Variants in MYL6B observed in about 807,000 individuals in gnomAD.
MYL6B encodes myosin alkali light chain 1 slow a.
Under a neutral mutation model 24.5 loss-of-function variants are expected in MYL6B, and 19 were observed. The observed-to-expected ratio is 0.78, with a 90% CI of 0.54 to 1.14. The LOEUF (loss-of-function observed/expected upper bound fraction) is 1.14. Among genes scored for constraint, MYL6B ranks in the 50% most tolerant of loss-of-function variants. The probability of loss-of-function intolerance (pLI) is 0.00; values close to 1 mark genes in which losing one functional copy is unlikely to be tolerated. For synonymous variants in MYL6B, 90 were observed against 100.7 expected (o/e 0.89, Z 0.64); for missense variants, 230 against 263.8 (o/e 0.87, Z 0.89).
intron 5 of MYL6B, 86 bp from the exon 6 acceptor site, chr12:56,157,382 T>TC (rs1871365074): frequency 7.6e-7 from 1 of 1,317,880 alleles, no homozygotes; most frequent in African/African-American, 1.5e-5. Flanking sequence ...GGAGCGAAAC[T>TC]CCGTCTCAAA....
intron 5 of MYL6B, among the ~76,000 whole-genome samples, chr12:56,156,540 G>A (rs1871314097): frequency 6.6e-6 from 1 of 151,720 alleles, no homozygotes; most frequent in Non-Finnish European, 1.5e-5. Flanking sequence ...GGGAGGTGGA[G>A]GTTGCGGTGA....
intron 2 of MYL6B, 40 bp from the exon 3 acceptor site, chr12:56,154,773 T>C (rs1283371661): frequency 6.2e-7 from 1 of 1,601,562 alleles, no homozygotes; most frequent in African/African-American, 1.3e-5. Context: ...AGGGATTGAA[T>C]AAACTCTCAT....
Position 56,157,622 on chromosome 12 carries a change from CCCCTGGAT to C in MYL6B, c.599-75_599-68del, listed in dbSNP as rs1476000579. The stretch of plus-strand genomic sequence containing the variant: ...GTCTTGCCGCGTGTGGGCGGGGGCA[CCCCTGGAT>C]TACCTAGAGTCAGATGTATTATCCA... On this transcript the variant is annotated intron_variant, in intron 6 of 6. Transcript: ENST00000553066. The C allele has an allele frequency of 1.6e-5, 26 of 1,612,956 alleles. No individual in the cohort carries two copies. The Admixed American group carries it at 3.5e-4, about 22-fold the overall frequency.
At chr12:56,157,641 C>A in intron 6 of MYL6B, 57 bp from the exon 7 acceptor site, 1 of 1,613,264 alleles carries the variant, frequency 6.2e-7, no homozygotes. Context: ...TACCTAGAGT[C>A]AGATGTATTA....
chr12:56,152,957 C>T (rs1871163942), intron 1 of MYL6B, among the ~76,000 whole-genome samples: 1 of 152,086 alleles, frequency 6.6e-6, no homozygotes, highest in African/African-American at 2.4e-5. Flanking sequence ...AGGTTTGTGA[C>T]CTGGCCCCTG....
intron 1 of MYL6B, chr12:56,153,501 C>G (rs865940252): frequency 2.5e-5 from 25 of 987,132 alleles, no homozygotes; most frequent in Middle Eastern, 5.2e-4. Context: ...ACAAGCCTCC[C>G]TGGCTGCTAC....
Position 56,155,401 on chromosome 12 carries a change from C to G in MYL6B, c.347-18C>G. ...TAATACTACAATGACCTCTCCTTTA[C>G]CTCTCTCCAACCTCCAGAGCTGAAG... On this transcript the variant is annotated intron_variant, in intron 4 of 6. Transcript: ENST00000553066. 1 of 1,614,126 alleles carries G rather than the reference C, an allele frequency of 6.2e-7. No homozygotes were observed. The highest frequency in any genetic ancestry group is 8.5e-7 in the Non-Finnish European group (1 of 1,180,026).
exon 2 of MYL6B, chr12:56,153,988 C>T (rs762788121): frequency 6.2e-7 from 1 of 1,614,002 alleles, no homozygotes; most frequent in East Asian, 2.2e-5. Flanking sequence ...TGCTGCTAAG[C>T]CAGCAGCAGC....
At chr12:56,153,574 C>A in intron 1 of MYL6B, 1 of 666,018 alleles carries the variant, frequency 1.5e-6, no homozygotes, top group Non-Finnish European at 1.9e-6. Context: ...TCACCACCCC[C>A]ATCTCAGTGC....
chr12:56,156,530 G>A (rs907689128), intron 5 of MYL6B, among the ~76,000 whole-genome samples: 1 of 151,816 alleles, frequency 6.6e-6, no homozygotes, highest in African/African-American at 2.4e-5. Flanking sequence ...GCTTTAACCC[G>A]GGAGGTGGAG....
rs199941211 is a variant in MYL6B, at chr12:56,153,943, G to A, written c.25G>A (p.Val9Met). The A allele has an allele frequency of 1.3e-5, 21 of 1,613,452 alleles. No homozygotes were observed. The highest frequency in any genetic ancestry group is 8.9e-5 in the East Asian group (4 of 44,870). ...CATGCCTCCCAAGAAGGATGTTCCC[G>A]TGAAGAAACCAGCAGGGCCCTCCAT... Residue 9 changes from valine (V) to methionine (M), a missense_variant, in exon 2 of 7, where the codon GTG (valine) becomes ATG (methionine). Val to Met is a conservative substitution (Grantham distance 21, BLOSUM62 1). Transcript: ENST00000553066.
intron 5 of MYL6B, chr12:56,157,203 T>G: frequency 2.4e-6 from 1 of 424,614 alleles, no homozygotes; most frequent in Non-Finnish European, 4.4e-6. Flanking sequence ...GAGAGCAGCC[T>G]GCCCAACATG....
chr12:56,155,079 T>C lies in MYL6B; in HGVS notation c.227T>C (p.Phe76Ser), dbSNP rs1308249418. 2.5e-6 allele frequency: 4 copies of C among 1,613,638 alleles called. No homozygotes were observed. The Admixed American group carries it at 5.0e-5, about 20-fold the overall frequency. The change falls in exon 4 of 7, where the codon TTT becomes TCT. Residue 76 changes from phenylalanine (F) to serine (S), a missense_variant. Transcript: ENST00000553066. ...GAGTTCAAGGAGGCCTTCGAGCTGT[T>C]TGACCGAGTGGGGGATGGCAAGATC...
exon 4 of MYL6B, chr12:56,155,094 A>G (rs1469054406): frequency 6.2e-7 from 1 of 1,613,734 alleles, no homozygotes; most frequent in Non-Finnish European, 8.5e-7. Flanking sequence ...CGAGTGGGGG[A>G]TGGCAAGATC....
At chr12:56,154,020 C>T (rs1871212097) in exon 2 of MYL6B, 6 of 1,614,118 alleles carry the variant, frequency 3.7e-6, no homozygotes, top group Non-Finnish European at 5.1e-6. Flanking sequence ...CAGCCAAGAC[C>T]AAAGCTGAGC....
chr12:56,154,804 C>T lies in MYL6B; in HGVS notation c.175-9C>T, dbSNP rs769872896. 2 of 1,611,734 alleles carry T rather than the reference C, an allele frequency of 1.2e-6. No homozygotes were observed. Among genetic ancestry groups the T allele is most frequent in the Non-Finnish European group, 1.7e-6 (2 of 1,178,974 alleles). ...CTCATCTCTCCCCACCTGCTTTTTT[C>T]TTCCACAGATCGAGTTTAACAAGGA... On this transcript the variant is annotated splice_polypyrimidine_tract_variant and intron_variant, in intron 2 of 6. Transcript: ENST00000553066.
At chr12:56,154,078 C>T in exon 2 of MYL6B, 1 of 1,613,490 alleles carries the variant, frequency 6.2e-7, no homozygotes, top group Non-Finnish European at 8.5e-7. Flanking sequence ...TCCAGTCGAT[C>T]TCTCCAAAGT....
At chr12:56,152,872 G>C (rs1376580191) in intron 1 of MYL6B, among the ~76,000 whole-genome samples, 2 of 152,098 alleles carry the variant, frequency 1.3e-5, no homozygotes, top group Non-Finnish European at 2.9e-5. Flanking sequence ...ATTTACCCCA[G>C]AACAAAAGTA....
At chr12:56,153,455 T>G in intron 1 of MYL6B, 1 of 985,984 alleles carries the variant, frequency 1.0e-6, no homozygotes. Flanking sequence ...TTTTTGTCAT[T>G]GCTCCCAGAC....
Sources: gnomAD v4.1 joint callset for allele counts (sites outside exome capture counted in the v4.1 genomes callset) on GRCh38, gnomAD v4.1.1 for gene constraint, MANE v1.5 for transcripts, NCBI Gene and HGNC (gene_info 2026-07-23, HGNC 2026-07-21) for gene names.